The following ATP10B variants were observed in gnomAD, a reference collection of about 807,000 sequenced individuals.
ATP10B encodes ATPase phospholipid transporting 10B (putative).
Under a neutral mutation model 141.2 loss-of-function variants are expected in ATP10B, and 122 were observed. That is an observed-to-expected ratio of 0.86 (90% CI 0.75 to 1.00). The LOEUF (loss-of-function observed/expected upper bound fraction) is 1.00. Among genes scored for constraint, ATP10B ranks in the 50% least tolerant of loss-of-function variants. The probability of loss-of-function intolerance (pLI) is 0.00; values close to 1 mark genes in which losing one functional copy is unlikely to be tolerated. For missense variants in ATP10B, 1,876 were observed against 1,825.3 expected (o/e 1.03, Z -0.51); for synonymous variants, 685 against 692.0 (o/e 0.99, Z 0.16).
rs1177757332 is a variant in ATP10B, at chr5:160,769,382, T to G, written c.-331+16177A>C. On this transcript the variant is annotated intron_variant, in intron 2 of 25. Transcript: ENST00000327245. ...TTGGGACGGGGCCCACATTTCACAA[T>G]TGTGGTACATTCTACAAGGCCCACA... 2.0e-5 allele frequency among the ~76,000 whole-genome samples: 3 copies of G among 152,236 alleles called. No individual in the cohort carries two copies. The East Asian group carries it at 5.8e-4, about 29-fold the overall frequency.
At chr5:160,663,513 A>C (rs2127716432) in intron 7 of ATP10B, among the ~76,000 whole-genome samples, 1 of 152,286 alleles carries the variant, frequency 6.6e-6, no homozygotes, top group African/African-American at 2.4e-5. Flanking sequence ...GCTGCAAACC[A>C]TCATTCTCAG....
At chr5:160,908,488 TTA>T in the ATP10B span, among the ~76,000 whole-genome samples, 1 of 152,182 alleles carries the variant, frequency 6.6e-6, no homozygotes, top group African/African-American at 2.4e-5. Flanking sequence ...ATCCAAATGT[TTA>T]TGTTTCCTGA....
intron 3 of ATP10B, among the ~76,000 whole-genome samples, chr5:160,697,604 G>T (rs186776611): frequency 7.2e-5 from 11 of 152,154 alleles, no homozygotes; most frequent in African/African-American, 2.6e-4. Flanking sequence ...TGCAGGGTGG[G>T]GTGGGGTGGG....
the ATP10B span, among the ~76,000 whole-genome samples, chr5:160,896,913 A>C: frequency 6.6e-5 from 10 of 152,224 alleles, no homozygotes; most frequent in African/African-American, 2.2e-4. Flanking sequence ...AATGTAATCC[A>C]TCACATAAAC....
At chr5:160,690,145 A>G (rs186274914) in intron 3 of ATP10B, among the ~76,000 whole-genome samples, 334 of 151,200 alleles carry the variant, frequency 2.2e-3, no homozygotes, top group African/African-American at 8.0e-3. Context: ...GGGAAAGCTG[A>G]CTAGCCATAT....
chr5:160,569,796 C>T lies in ATP10B; in HGVS notation c.3751-113G>A. On this transcript the variant is annotated intron_variant, in intron 24 of 25. Transcript: ENST00000327245. ...AACTATTTTTGAAATGCAAAACACA[C>T]AAAATTCAAAAAAGTGTGCAGCTTA... 4.7e-6 allele frequency: 4 copies of T among 853,080 alleles called. No individual in the cohort carries two copies. The South Asian group carries it at 8.3e-5, about 18-fold the overall frequency. 52.8% of individuals were successfully genotyped at this position (853,080 alleles called of 1,614,324 possible). A position where few individuals can be genotyped will look rare whatever the true frequency, so the allele number is the denominator to read the frequency against.
intron 23 of ATP10B, among the ~76,000 whole-genome samples, chr5:160,590,090 A>G (rs948598081): frequency 6.6e-6 from 1 of 152,144 alleles, no homozygotes; most frequent in African/African-American, 2.4e-5. Context: ...AGTACAAGGT[A>G]CCCTGGGAAC....
intron 19 of ATP10B, among the ~76,000 whole-genome samples, chr5:160,606,471 C>A (rs1015532994): frequency 5.6e-4 from 85 of 152,154 alleles, no homozygotes; most frequent in Non-Finnish European, 1.6e-4. Flanking sequence ...TAATTACTGG[C>A]AACATTTCTT....
intron 1 of ATP10B, among the ~76,000 whole-genome samples, chr5:160,833,834 T>G (rs1775260500): frequency 6.6e-6 from 1 of 152,170 alleles, no homozygotes; most frequent in African/African-American, 2.4e-5. Flanking sequence ...TAAAAATGAC[T>G]TTAAAAGCAT....
the ATP10B span, among the ~76,000 whole-genome samples, chr5:160,927,884 G>A: frequency 1.3e-5 from 2 of 152,198 alleles, no homozygotes; most frequent in African/African-American, 4.8e-5. Flanking sequence ...CTGTGATCTG[G>A]GAAGCTCTCT....
intron 3 of ATP10B, among the ~76,000 whole-genome samples, chr5:160,715,256 CA>C (rs1230092775): frequency 4.8e-5 from 6 of 125,438 alleles, no homozygotes; most frequent in Non-Finnish European, 8.5e-5. Flanking sequence ...GCTGTGCTAG[CA>C]ATCAGCGAGA....
chr5:160,865,216 G>T, the ATP10B span, among the ~76,000 whole-genome samples: 1 of 151,854 alleles, frequency 6.6e-6, no homozygotes. Context: ...GTGCTGGTAA[G>T]AAAATAGGCA....
At chr5:160,752,464 C>A (rs886210086) in intron 2 of ATP10B, among the ~76,000 whole-genome samples, 5 of 152,142 alleles carry the variant, frequency 3.3e-5, no homozygotes, top group Non-Finnish European at 1.5e-5. Flanking sequence ...TCCTTTCAAG[C>A]TCTCCTTATT....
chr5:160,798,936 G>A (rs757509116), intron 1 of ATP10B, among the ~76,000 whole-genome samples: 1 of 151,724 alleles, frequency 6.6e-6, no homozygotes, highest in Non-Finnish European at 1.5e-5. Flanking sequence ...ACTTTTATTC[G>A]AGATGGGGTT....
chr5:160,704,378 ATTT>A (rs1238443405), intron 3 of ATP10B, among the ~76,000 whole-genome samples: 1 of 152,064 alleles, frequency 6.6e-6, no homozygotes, highest in African/African-American at 2.4e-5. Flanking sequence ...TTTTGAAAAA[ATTT>A]TTTTATTTTC....
At chr5:160,884,688 C>T in the ATP10B span, among the ~76,000 whole-genome samples, 3,791 of 151,736 alleles carry the variant, frequency 0.025, 72 homozygotes, top group South Asian at 0.088. Flanking sequence ...ATAAGTATTC[C>T]ATTTATGGAA....
At position 160,591,067 on chromosome 5, in the gene ATP10B, G is replaced by A. The variant is rs1327311703; in HGVS notation, c.3637C>T (p.Pro1213Ser). The A allele has an allele frequency of 1.2e-6, 2 of 1,613,594 alleles. No individual in the cohort carries two copies. The highest frequency in any genetic ancestry group is 1.7e-5 in the Admixed American group (1 of 59,924). ...GGGACTACATGACTTACCAGGTAAG[G>A]GATAAAGAAACAGATGAGGCTCTGG... ...FYQSLICFFI[P>S]YLAYKGSDID... The change falls in exon 23 of 26, where the codon CCT becomes TCT. Residue 1213 changes from proline to serine, a missense_variant. By Grantham distance (74) the Pro-to-Ser change is moderately conservative (BLOSUM62 -1). Coordinates refer to ENST00000327245, the MANE Select transcript of ATP10B (RefSeq NM_025153.3).
chr5:160,661,122 G>T (rs1174945541), intron 7 of ATP10B, among the ~76,000 whole-genome samples: 1 of 152,136 alleles, frequency 6.6e-6, no homozygotes, highest in Non-Finnish European at 1.5e-5. Flanking sequence ...GGAGGCAGAA[G>T]TTGTGGTGAG....
intron 1 of ATP10B, among the ~76,000 whole-genome samples, chr5:160,796,782 C>A (rs1031602886): frequency 6.6e-6 from 1 of 152,144 alleles, no homozygotes; most frequent in Non-Finnish European, 1.5e-5. Flanking sequence ...ACTCCTCACA[C>A]AGGTACCTCC....
Sources: gnomAD v4.1 joint callset for allele counts (sites outside exome capture counted in the v4.1 genomes callset) on GRCh38, gnomAD v4.1.1 for gene constraint, MANE v1.5 for transcripts, NCBI Gene and HGNC (gene_info 2026-07-23, HGNC 2026-07-21) for gene names.